The following CYP20A1 variants were observed in gnomAD, a reference collection of about 807,000 sequenced individuals.
CYP20A1 encodes the protein cytochrome P450 family 20 subfamily A member 1, also known as cytochrome P450 20A1.
Under a neutral mutation model 61.4 loss-of-function variants are expected in CYP20A1, and 61 were observed. That is an observed-to-expected ratio of 0.99 (90% CI 0.81 to 1.23). The LOEUF (loss-of-function observed/expected upper bound fraction) is 1.23, where lower values mean the gene tolerates loss of function less well. Among genes scored for constraint, CYP20A1 ranks in the 50% most tolerant of loss-of-function variants. The pLI, the probability that CYP20A1 is intolerant of heterozygous loss-of-function variation, is 0.00. For synonymous variants in CYP20A1, 193 were observed against 188.2 expected (o/e 1.03, Z -0.21); for missense variants, 530 against 542.4 (o/e 0.98, Z 0.23).
rs2069146117 is a variant in CYP20A1 at position 203,304,433 on chromosome 2, G to C, written c.*7525G>C. ...AGGATGGTCTTGATCTCCTGACCTT[G>C]TGATCTGTCCACCGCGGCTTCCCAA... On this transcript the variant is annotated 3_prime_UTR_variant, in exon 13 of 13. Transcript: ENST00000356079. Among the ~76,000 whole-genome samples, 1 of 152,074 alleles carries C rather than the reference G, an allele frequency of 6.6e-6. No individual in the cohort carries two copies. Among genetic ancestry groups the C allele is most frequent in the Admixed American group, 6.6e-5 (1 of 15,252 alleles).
chr2:203,250,373 C>T (rs536662345), intron 3 of CYP20A1, among the ~76,000 whole-genome samples: 1 of 152,198 alleles, frequency 6.6e-6, no homozygotes, highest in South Asian at 2.1e-4. Context: ...TATGGTTATC[C>T]CTTTTTTGTG....
chr2:203,279,907 A>G (rs2067975654), intron 7 of CYP20A1, 152 bp from the exon 8 acceptor site: 1 of 499,796 alleles, frequency 2.0e-6, no homozygotes, highest in Non-Finnish European at 3.5e-6. Context: ...CATTATACAG[A>G]TTTGGTTTTT....
At position 203,239,191 on chromosome 2, in the gene CYP20A1, C is replaced by T. The variant is rs1045600160; in HGVS notation, c.72+57C>T. 8.8e-6 allele frequency: 13 copies of T among 1,476,848 alleles called. No individual in the cohort carries two copies. In the African/African-American group the frequency reaches 1.2e-4, roughly 14 times the overall value. The allele number at this position is 1,476,848 out of a possible 1,614,324, so 91.5% of individuals were successfully genotyped here. A position where few individuals can be genotyped will look rare whatever the true frequency, so the allele number is the denominator to read the frequency against. On this transcript the variant is annotated intron_variant, in intron 1 of 12. Transcript: ENST00000356079. ...GGCGCCGCCCCAGTCTCTCTGTCGC[C>T]GGCATCCAGGCCAACCTGCCCGCTG...
intron 2 of CYP20A1, among the ~76,000 whole-genome samples, chr2:203,246,216 A>G (rs2105898412): frequency 6.6e-6 from 1 of 152,344 alleles, no homozygotes; most frequent in South Asian, 2.1e-4. Flanking sequence ...GATAAACCAT[A>G]TTTTTAGATC....
chr2:203,295,499 A>G (rs760484203), intron 11 of CYP20A1, among the ~76,000 whole-genome samples: 12 of 152,222 alleles, frequency 7.9e-5, no homozygotes, highest in Non-Finnish European at 1.6e-4. Flanking sequence ...ACATATTGAT[A>G]AGGTGGTCTC....
chr2:203,248,497 G>A (rs1168836920), intron 3 of CYP20A1, among the ~76,000 whole-genome samples: 1 of 151,934 alleles, frequency 6.6e-6, no homozygotes, highest in Non-Finnish European at 1.5e-5. Context: ...TCATACCACT[G>A]CGCTCCAGCC....
chr2:203,285,703 T>C lies in CYP20A1; in HGVS notation c.942T>C (p.Pro314=). The C allele has an allele frequency of 6.2e-7, 1 of 1,600,706 alleles. No homozygotes were observed. Among genetic ancestry groups the C allele is most frequent in the Non-Finnish European group, 8.5e-7 (1 of 1,177,296 alleles). ...TAAACCAAGTTTTTGGAAATGGTCC[T>C]GTTACTCCAGAGAAAATTGAGCAGC... ...EEINQVFGNG[P]VTPEKIEQLR... The change falls in exon 9 of 13, where the codon CCT becomes CCC. Residue 314 remains proline, a synonymous_variant. Coordinates refer to ENST00000356079, the MANE Select transcript of CYP20A1 (RefSeq NM_177538.3).
intron 5 of CYP20A1, among the ~76,000 whole-genome samples, chr2:203,268,355 G>A (rs769685650): frequency 6.6e-6 from 1 of 152,144 alleles, no homozygotes; most frequent in Non-Finnish European, 1.5e-5. Flanking sequence ...GTAGATATCA[G>A]ATCTCTTTAA....
chr2:203,271,192 ATTC>A (rs1457523631), intron 5 of CYP20A1, among the ~76,000 whole-genome samples: 5 of 141,100 alleles, frequency 3.5e-5, no homozygotes, highest in Admixed American at 7.4e-5. Flanking sequence ...GGTTCACGCC[ATTC>A]TTCTGCCTCA....
At chr2:203,273,384 G>T (rs1234922434) in intron 6 of CYP20A1, among the ~76,000 whole-genome samples, 1 of 152,068 alleles carries the variant, frequency 6.6e-6, no homozygotes, top group Non-Finnish European at 1.5e-5. Context: ...TATGAAAGAA[G>T]ACAATATTCA....
intron 8 of CYP20A1, among the ~76,000 whole-genome samples, chr2:203,284,135 A>G (rs1235065092): frequency 6.6e-6 from 1 of 152,228 alleles, no homozygotes; most frequent in Non-Finnish European, 1.5e-5. Context: ...GTAATTGAGT[A>G]CCAGGTTACT....
Position 203,303,889 on chromosome 2 carries a change from A to AG in CYP20A1, c.*6981_*6982insG, listed in dbSNP as rs1299816689. ...AAGACTGTCTCAAAAAAAAAAAAAA[A>AG]AAAAACTTATTGAGAGAATAATATA... is the stretch of plus-strand genomic sequence containing the variant. On this transcript the variant is annotated 3_prime_UTR_variant, in exon 13 of 13. Coordinates refer to ENST00000356079, the MANE Select transcript of CYP20A1 (RefSeq NM_177538.3). 6.6e-6 allele frequency among the ~76,000 whole-genome samples: 1 copy of AG among 151,188 alleles called. No individual in the cohort carries two copies. The highest frequency in any genetic ancestry group is 2.4e-5 in the African/African-American group (1 of 41,146).
At chr2:203,283,550 ATT>A (rs1267948219) in intron 8 of CYP20A1, among the ~76,000 whole-genome samples, 10 of 112,814 alleles carry the variant, frequency 8.9e-5, no homozygotes, top group Admixed American at 9.8e-5. Flanking sequence ...TGTTATATTA[ATT>A]TTTTTTTTTT....
intron 4 of CYP20A1, among the ~76,000 whole-genome samples, chr2:203,260,048 T>A (rs2067074678): frequency 6.6e-6 from 1 of 151,044 alleles, no homozygotes; most frequent in Non-Finnish European, 1.5e-5. Flanking sequence ...AGCCTCAGCT[T>A]CCTGAGTAGC....
chr2:203,285,257 A>G (rs992560443), intron 8 of CYP20A1, among the ~76,000 whole-genome samples: 2 of 152,142 alleles, frequency 1.3e-5, no homozygotes, highest in African/African-American at 4.8e-5. Flanking sequence ...AGTGCATGAG[A>G]TAATCCATTG....
At position 203,296,813 on chromosome 2, in the gene CYP20A1, C is replaced by T. The variant is rs771366594; in HGVS notation, c.1294C>T (p.Leu432=). The T allele has an allele frequency of 1.9e-6, 3 of 1,610,818 alleles. No individual in the cohort carries two copies. Among genetic ancestry groups the T allele is most frequent in the Non-Finnish European group, 2.5e-6 (3 of 1,178,626 alleles). Residue 432 remains leucine, a synonymous_variant, in exon 13 of 13, where the codon CTA becomes TTA. Transcript: ENST00000356079. ...TAGTGTATTGGTGAAGAGACTGCAC[C>T]TACTTTCTGTGGAGGGACAGGTTAT... ...LLSVLVKRLH[L]LSVEGQVIET...
intron 11 of CYP20A1, among the ~76,000 whole-genome samples, chr2:203,295,162 G>A (rs1400124546): frequency 6.7e-6 from 1 of 150,228 alleles, no homozygotes; most frequent in Admixed American, 6.7e-5. Context: ...TTTCACCGTG[G>A]TCTCAATCTC....
At chr2:203,247,086 C>A (rs2066488264) in intron 3 of CYP20A1, among the ~76,000 whole-genome samples, 165 bp downstream of exon 3, 1 of 151,774 alleles carries the variant, frequency 6.6e-6, no homozygotes, top group Non-Finnish European at 1.5e-5. Context: ...CATGGTGAAA[C>A]CCCTTCTCTA....
In CYP20A1 at chr2:203,257,225, C is replaced by T. The variant is rs112879033; in HGVS notation, c.432+5116C>T. Among the ~76,000 whole-genome samples, 86 of 150,272 alleles carry T rather than the reference C, an allele frequency of 5.7e-4. 1 individual carries two copies. The highest frequency in any genetic ancestry group is 3.4e-3 in the Middle Eastern group (1 of 290). ...CCCAGCTAATCGAGAGTCTATGAGG[C>T]GGGAGGATCGCTTGAGCCTGGGAGG... On this transcript the variant is annotated intron_variant, in intron 4 of 12. Coordinates refer to ENST00000356079, the MANE Select transcript of CYP20A1 (RefSeq NM_177538.3).
Sources: gnomAD v4.1 joint callset for allele counts (sites outside exome capture counted in the v4.1 genomes callset) on GRCh38, gnomAD v4.1.1 for gene constraint, MANE v1.5 for transcripts, NCBI Gene and HGNC (gene_info 2026-07-23, HGNC 2026-07-21) for gene names.